SYTL2: variants seen among roughly 807,000 people sequenced by gnomAD.
SYTL2 encodes the protein synaptotagmin like 2, also known as synaptotagmin-like protein 2.
A neutral mutation model predicts 198.7 loss-of-function variants in SYTL2; 165 were observed. That is an observed-to-expected ratio of 0.83 (90% CI 0.73 to 0.94). SYTL2 has a LOEUF of 0.94. SYTL2 is among the 40% of genes least tolerant of loss of function. SYTL2 has a pLI of 0.00. For missense variants in SYTL2, 2,835 were observed against 2,582.8 expected (o/e 1.10, Z -2.12); for synonymous variants, 966 against 917.7 (o/e 1.05, Z -0.95).
intron 1 of SYTL2, among the ~76,000 whole-genome samples, chr11:85,773,702 T>G (rs1238411948): frequency 4.6e-5 from 7 of 152,240 alleles, no homozygotes; most frequent in African/African-American, 1.7e-4. Context: ...AAGTACCACA[T>G]TCATTTTATA....
chr11:85,776,864 T>A (rs75918023), intron 1 of SYTL2, among the ~76,000 whole-genome samples: 5,803 of 152,276 alleles, frequency 0.038, 179 homozygotes, highest in East Asian at 0.11. Context: ...CTTCGGGTAT[T>A]TCTTTATAGC....
chr11:85,759,893 C>A (rs1393712501), intron 1 of SYTL2, among the ~76,000 whole-genome samples: 1 of 152,150 alleles, frequency 6.6e-6, no homozygotes, highest in African/African-American at 2.4e-5. Flanking sequence ...AACTTCCATA[C>A]CCCAAGTTAA....
chr11:85,805,259 G>T (rs1447365356), intron 1 of SYTL2, among the ~76,000 whole-genome samples: 1 of 151,764 alleles, frequency 6.6e-6, no homozygotes, highest in African/African-American at 2.4e-5. Flanking sequence ...GGGTGGCCAA[G>T]GTGGGAAGAC....
At chr11:85,782,397 A>C (rs907722823) in intron 1 of SYTL2, among the ~76,000 whole-genome samples, 7 of 152,256 alleles carry the variant, frequency 4.6e-5, no homozygotes, top group African/African-American at 1.7e-4. Context: ...CAGACCTGTG[A>C]TGGGTGGGGG....
intron 12 of SYTL2, among the ~76,000 whole-genome samples, chr11:85,714,107 G>A (rs557294947): frequency 1.3e-5 from 2 of 152,342 alleles, no homozygotes; most frequent in South Asian, 4.1e-4. Flanking sequence ...CCAAACTACA[G>A]AGGAATAATC....
At chr11:85,843,085 TA>T in the SYTL2 span, among the ~76,000 whole-genome samples, 1 of 152,130 alleles carries the variant, frequency 6.6e-6, no homozygotes, top group Non-Finnish European at 1.5e-5. Flanking sequence ...TTAAAGAGTC[TA>T]AAATGGGCCA....
the SYTL2 span, among the ~76,000 whole-genome samples, chr11:85,844,286 T>TA: frequency 6.6e-6 from 1 of 152,188 alleles, no homozygotes; most frequent in African/African-American, 2.4e-5. Context: ...GTATAAAGGG[T>TA]AAAATAGTAT....
chr11:85,739,339 CCGCTATT>C (rs2090606706), intron 4 of SYTL2, among the ~76,000 whole-genome samples: 1 of 147,096 alleles, frequency 6.8e-6, no homozygotes, highest in African/African-American at 2.5e-5. Context: ...ATGTCTGTTT[CCGCTATT>C]CGGAAAGAAA....
the SYTL2 span, among the ~76,000 whole-genome samples, chr11:85,822,740 A>G: frequency 6.6e-6 from 1 of 152,270 alleles, no homozygotes; most frequent in Non-Finnish European, 1.5e-5. Flanking sequence ...AAAGGCAAGA[A>G]GAGGAATCCA....
chr11:85,840,991 A>T, the SYTL2 span, among the ~76,000 whole-genome samples: 7 of 152,334 alleles, frequency 4.6e-5, no homozygotes, highest in Non-Finnish European at 8.8e-5. Context: ...CAAATTTACA[A>T]GCAAAAAACA....
chr11:85,822,044 G>A, the SYTL2 span, among the ~76,000 whole-genome samples: 4,091 of 152,298 alleles, frequency 0.027, 188 homozygotes, highest in African/African-American at 0.094. Context: ...ATTTCAAAGA[G>A]ATCTAATAGT....
intron 4 of SYTL2, among the ~76,000 whole-genome samples, chr11:85,743,354 C>T (rs1176754823): frequency 1.3e-5 from 2 of 152,082 alleles, no homozygotes; most frequent in African/African-American, 2.4e-5. Flanking sequence ...GGATAATTAC[C>T]ACCCATGGCA....
chr11:85,733,748 C>T (rs986897434), intron 7 of SYTL2, 191 bp downstream of exon 7: 16 of 498,220 alleles, frequency 3.2e-5, no homozygotes, highest in African/African-American at 2.2e-4. Context: ...TACAGGCGCC[C>T]GCCACCGCGC....
chr11:85,776,738 G>T (rs1483475365), intron 1 of SYTL2, among the ~76,000 whole-genome samples: 1 of 152,208 alleles, frequency 6.6e-6, no homozygotes, highest in Non-Finnish European at 1.5e-5. Context: ...ATTGTAGAAT[G>T]ACTTATAATC....
Position 85,734,709 on chromosome 11 carries a change from A to C in SYTL2, c.620T>G (p.Val207Gly), listed in dbSNP as rs372274810. 165 of 1,613,278 alleles carry C rather than the reference A, an allele frequency of 1.0e-4. 2 individuals carry two copies. The Admixed American group carries it at 2.7e-3, about 27-fold the overall frequency. Residue 207 changes from valine to glycine, a missense_variant, in exon 7 of 20, where the codon GTC (valine) becomes GGC (glycine). Coordinates refer to ENST00000359152, the MANE Select transcript of SYTL2 (RefSeq NM_206927.4). ...TAACTTTTGGATTGAAGTATCTGCG[A>C]CAGTTGACTTTTCTTTTGACTCTGA... ...ELSESKEKST[V>G]ADTSIQKLEK... is the part of the protein sequence containing the mutation.
At position 85,699,561 on chromosome 11, in the gene SYTL2, C is replaced by G. The variant is rs1371019809; in HGVS notation, c.6268+954G>C. ...AATATGCTTTACTTGCCCTCTAATT[C>G]TTTCTTTTTTGGGGGGCGGGGGGCG... is the stretch of plus-strand genomic sequence containing the variant. On this transcript the variant is annotated intron_variant, in intron 17 of 19. Coordinates refer to ENST00000359152, the MANE Select transcript of SYTL2 (RefSeq NM_206927.4). 2.6e-5 allele frequency among the ~76,000 whole-genome samples: 4 copies of G among 151,874 alleles called. No individual in the cohort carries two copies. The East Asian group carries it at 7.7e-4, about 29-fold the overall frequency.
At chr11:85,825,558 A>G in the SYTL2 span, among the ~76,000 whole-genome samples, 17 of 152,200 alleles carry the variant, frequency 1.1e-4, no homozygotes, top group Admixed American at 4.6e-4. Context: ...GAAAGACTGG[A>G]AAGAGCTGGG....
At chr11:85,730,699 T>C (rs1188576985) in intron 7 of SYTL2, among the ~76,000 whole-genome samples, 1 of 152,076 alleles carries the variant, frequency 6.6e-6, no homozygotes, top group East Asian at 1.9e-4. Flanking sequence ...AAGGATGCCC[T>C]CTCTCACCAC....
chr11:85,787,214 T>G (rs1262243798), intron 1 of SYTL2, among the ~76,000 whole-genome samples: 1 of 152,162 alleles, frequency 6.6e-6, no homozygotes, highest in East Asian at 1.9e-4. Context: ...ACCTGCGATT[T>G]CCCATTTGTA....
Sources: gnomAD v4.1 joint callset for allele counts (sites outside exome capture counted in the v4.1 genomes callset) on GRCh38, gnomAD v4.1.1 for gene constraint, MANE v1.5 for transcripts, NCBI Gene and HGNC (gene_info 2026-07-23, HGNC 2026-07-21) for gene names.